Variants in DCDC1 observed in about 807,000 individuals in gnomAD.
The protein encoded by DCDC1 is doublecortin domain containing 1, also known as doublecortin domain-containing protein 1.
In DCDC1, 200 loss-of-function variants were observed where a neutral mutation model predicts 178.3. The ratio of observed to expected loss-of-function variants is 1.12; its 90% CI spans 1.00 to 1.26. The LOEUF (loss-of-function observed/expected upper bound fraction) is 1.26. DCDC1 is among the 50% of genes most tolerant of loss of function. The probability of loss-of-function intolerance (pLI) is 0.00; values close to 1 mark genes in which losing one functional copy is unlikely to be tolerated. For missense variants in DCDC1, 1,983 were observed against 1,749.2 expected, an observed-to-expected ratio of 1.13 and a Z score of -2.38; for synonymous variants, 690 against 604.8, an observed-to-expected ratio of 1.14 and a Z score of -2.07.
chr11:31,225,825 A>G (rs1308036752), intron 9 of DCDC1, among the ~76,000 whole-genome samples: 1 of 151,638 alleles, frequency 6.6e-6, no homozygotes, highest in African/African-American at 2.4e-5. Flanking sequence ...AGAAATGTTT[A>G]CCCAATCTTT....
rs144100564 is a variant in DCDC1 at position 31,360,745 on chromosome 11, G to C, written c.-125+8952C>G. Among the ~76,000 whole-genome samples the C allele has an allele frequency of 3.6e-3, 551 of 152,258 alleles. 27 individuals are homozygous for C. The East Asian group carries it at 0.096, about 26-fold the overall frequency. ...TGGAAAGAGAAGCAAAGGATAATTGGTGGAGCTGTAGAAAGGATTGACTTA... is the reference window on the plus strand; with the variant it reads ...TGGAAAGAGAAGCAAAGGATAATTGCTGGAGCTGTAGAAAGGATTGACTTA... On this transcript the variant is annotated intron_variant, in intron 1 of 38. Coordinates refer to ENST00000684477, the MANE Select transcript of DCDC1 (RefSeq NM_001387274.1).
chr11:30,997,762 C>A (rs980649074), intron 20 of DCDC1, among the ~76,000 whole-genome samples: 6 of 152,082 alleles, frequency 3.9e-5, no homozygotes, highest in African/African-American at 1.4e-4. Flanking sequence ...GGATTACAAT[C>A]AAACATATCA....
intron 34 of DCDC1, 68 bp downstream of exon 34, chr11:30,899,473 T>C (rs1056159086): frequency 3.0e-6 from 3 of 1,000,614 alleles, no homozygotes; most frequent in East Asian, 2.9e-5. Context: ...TGGTAGAAAA[T>C]AACCATTAGC....
chr11:31,102,132 A>T lies in DCDC1; in HGVS notation c.1983+45T>A, dbSNP rs150100392. 5,020 of 607,028 alleles carry T rather than the reference A, an allele frequency of 8.3e-3. 39 individuals are homozygous for T. Among genetic ancestry groups the T allele is most frequent in the Middle Eastern group, 0.021 (82 of 3,938 alleles). 37.6% of individuals were successfully genotyped at this position (607,028 alleles called of 1,614,324 possible). On this transcript the variant is annotated intron_variant, in intron 15 of 38. Coordinates refer to ENST00000684477, the MANE Select transcript of DCDC1 (RefSeq NM_001387274.1). The stretch of plus-strand genomic sequence containing the variant: ...TTCATTATATATTGGTTGAGTGTCC[A>T]ATACATAAAGTGCACCTTTTAAAGT...
At chr11:30,986,559 G>A (rs1383182470) in intron 20 of DCDC1, among the ~76,000 whole-genome samples, 1 of 151,934 alleles carries the variant, frequency 6.6e-6, no homozygotes, top group African/African-American at 2.4e-5. Flanking sequence ...TCTCCATCTC[G>A]TGACCTTGTG....
chr11:31,354,372 G>A (rs954573553), intron 1 of DCDC1, among the ~76,000 whole-genome samples: 2 of 152,196 alleles, frequency 1.3e-5, no homozygotes, highest in Non-Finnish European at 2.9e-5. Flanking sequence ...TACTGCAAAA[G>A]GAAAGAATAT....
chr11:31,044,741 G>A (rs1954716371), intron 20 of DCDC1, among the ~76,000 whole-genome samples: 1 of 152,188 alleles, frequency 6.6e-6, no homozygotes, highest in Non-Finnish European at 1.5e-5. Context: ...TTCAATTTCA[G>A]CCTTAAGAAG....
intron 34 of DCDC1, 56 bp from the exon 35 acceptor site, chr11:30,894,440 A>T: frequency 3.8e-6 from 6 of 1,593,828 alleles, no homozygotes; most frequent in Non-Finnish European, 3.4e-6. Context: ...TCAGATTTCA[A>T]ATAAACTGAT....
chr11:31,258,532 G>A (rs1418532034), intron 8 of DCDC1, among the ~76,000 whole-genome samples: 1 of 152,124 alleles, frequency 6.6e-6, no homozygotes, highest in Non-Finnish European at 1.5e-5. Context: ...TATAGTAGAA[G>A]CAAATCTTAA....
intron 17 of DCDC1, among the ~76,000 whole-genome samples, chr11:31,078,976 G>T (rs971459673): frequency 6.6e-6 from 1 of 152,150 alleles, no homozygotes; most frequent in Non-Finnish European, 1.5e-5. Flanking sequence ...TTTAAACTTA[G>T]AAATAGTAAG....
chr11:31,019,463 A>G (rs1323307750), intron 20 of DCDC1, among the ~76,000 whole-genome samples: 1 of 151,764 alleles, frequency 6.6e-6, no homozygotes, highest in Admixed American at 6.6e-5. Flanking sequence ...TGATATCTAA[A>G]GAGTACCAGG....
At chr11:31,346,354 C>G (rs1950811244) in intron 1 of DCDC1, among the ~76,000 whole-genome samples, 1 of 150,994 alleles carries the variant, frequency 6.6e-6, no homozygotes, top group Non-Finnish European at 1.5e-5. Flanking sequence ...ATCCCAGCTA[C>G]TCAGGAGGCT....
At chr11:31,040,281 T>A (rs1015894922) in intron 20 of DCDC1, among the ~76,000 whole-genome samples, 6 of 152,188 alleles carry the variant, frequency 3.9e-5, no homozygotes, top group Admixed American at 1.3e-4. Context: ...CAATGCTGAA[T>A]TACATATATT....
Position 31,290,848 on chromosome 11 carries a change from A to G in DCDC1, c.759T>C (p.His253=). ...AAGTTACTTTCTTAATTAACAACAG[A>G]TGGTCTAGAAGATAATTTTTTAAGT... ...FLNPFKKIKD[H]LLLIKKVTWT... is the part of the protein sequence containing the mutation. Residue 253 remains histidine (H), a synonymous_variant, in exon 7 of 39, where the codon CAT becomes CAC. Coordinates refer to ENST00000684477, the MANE Select transcript of DCDC1 (RefSeq NM_001387274.1). 1 of 1,610,538 alleles carries G rather than the reference A, an allele frequency of 6.2e-7. No individual in the cohort carries two copies. The highest frequency in any genetic ancestry group is 8.5e-7 in the Non-Finnish European group (1 of 1,178,612).
At chr11:31,104,226 A>C (rs1958701636) in intron 13 of DCDC1, among the ~76,000 whole-genome samples, 1 of 152,140 alleles carries the variant, frequency 6.6e-6, no homozygotes, top group African/African-American at 2.4e-5. Context: ...TGTTAGGCAC[A>C]CTGTTTTAAG....
At chr11:31,321,916 T>C (rs1186902197) in intron 3 of DCDC1, among the ~76,000 whole-genome samples, 1 of 152,174 alleles carries the variant, frequency 6.6e-6, no homozygotes, top group Non-Finnish European at 1.5e-5. Flanking sequence ...CCCTGGTTAC[T>C]GAAGGGAAAA....
chr11:31,265,270 G>T (rs966274055), intron 8 of DCDC1, among the ~76,000 whole-genome samples: 5 of 151,836 alleles, frequency 3.3e-5, no homozygotes, highest in African/African-American at 1.2e-4. Flanking sequence ...TTTAATTATG[G>T]TTTACTAAGG....
At chr11:30,887,647 C>G (rs925013478) in intron 36 of DCDC1, among the ~76,000 whole-genome samples, 1 of 152,084 alleles carries the variant, frequency 6.6e-6, no homozygotes, top group African/African-American at 2.4e-5. Flanking sequence ...ACGTACTAGT[C>G]CACTAGAAAT....
intron 11 of DCDC1, among the ~76,000 whole-genome samples, chr11:31,124,046 A>C (rs1246676338): frequency 6.6e-6 from 1 of 152,024 alleles, no homozygotes; most frequent in East Asian, 1.9e-4. Flanking sequence ...TTTAAAGCAC[A>C]TTAAAAGGGA....
Sources: gnomAD v4.1 joint callset for allele counts (sites outside exome capture counted in the v4.1 genomes callset) on GRCh38, gnomAD v4.1.1 for gene constraint, MANE v1.5 for transcripts, NCBI Gene and HGNC (gene_info 2026-07-23, HGNC 2026-07-21) for gene names.